VGLL3: variants seen among roughly 807,000 people sequenced by gnomAD.
The protein encoded by VGLL3 is vestigial like family member 3.
A neutral mutation model predicts 29.2 loss-of-function variants in VGLL3; 18 were observed. The ratio of observed to expected loss-of-function variants is 0.62; its 90% confidence interval spans 0.43 to 0.91. The LOEUF is 0.91. VGLL3 is among the 40% of genes least tolerant of loss of function. The probability of loss-of-function intolerance (pLI) is 0.00; values close to 1 mark genes in which losing one functional copy is unlikely to be tolerated. For missense variants in VGLL3, 440 were observed against 413.2 expected (o/e 1.06, Z -0.56); for synonymous variants, 180 against 151.8 (o/e 1.19, Z -1.36).
chr3:86,974,675 T>A lies in VGLL3; in HGVS notation c.403+3851A>T, dbSNP rs191331080. 2.4e-3 allele frequency among the ~76,000 whole-genome samples: 358 copies of A among 152,322 alleles called. 1 individual carries two copies. The highest frequency in any genetic ancestry group is 7.4e-3 in the African/African-American group (308 of 41,572). ...CTAAAGATTTACCGTGTAAATATAT[T>A]CTTAGTCAAACACGATTCAGTTATT... On this transcript the variant is annotated intron_variant, in intron 2 of 3. Transcript: ENST00000398399.
chr3:86,961,839 G>T, intron 3 of VGLL3: 1 of 760,278 alleles, frequency 1.3e-6, no homozygotes, highest in Non-Finnish European at 1.6e-6. Context: ...TAAATGAGAA[G>T]TTAATAAGTA....
Position 86,942,385 on chromosome 3 carries a change from T to C in VGLL3, c.*4639A>G, listed in dbSNP as rs930602024. On this transcript the variant is annotated 3_prime_UTR_variant, in exon 4 of 4. Transcript: ENST00000398399. ...ACACAGTGTCAACATCTGCTTCCAA[T>C]AAGATTGTTTCTTTTTTTCCTTGAG... The C allele has an allele frequency of 3.3e-5, 5 of 152,168 alleles. No individual in the cohort carries two copies. The highest frequency in any genetic ancestry group is 1.2e-4 in the African/African-American group (5 of 41,450). 9.4% of individuals were successfully genotyped at this position (152,168 alleles called of 1,614,324 possible).
chr3:86,971,454 C>G (rs1705098787), intron 2 of VGLL3, among the ~76,000 whole-genome samples: 1 of 152,162 alleles, frequency 6.6e-6, no homozygotes, highest in South Asian at 2.1e-4. Flanking sequence ...GATCTCAAAA[C>G]ACTTGGGGAA....
In VGLL3 at chr3:86,947,086, G is replaced by C; in HGVS notation, c.938-19C>G. On this transcript the variant is annotated intron_variant, in intron 3 of 3. Coordinates refer to ENST00000398399, the MANE Select transcript of VGLL3 (RefSeq NM_016206.4). Reference sequence around the variant, plus strand: ...TGTAGACCTGGAACAAATGACAATGGGGAAAAAATAAAGAACATTAATACA... The same window carrying C: ...TGTAGACCTGGAACAAATGACAATGCGGAAAAAATAAAGAACATTAATACA... 1 of 779,610 alleles carries C rather than the reference G, an allele frequency of 1.3e-6. No homozygotes were observed. The highest frequency in any genetic ancestry group is 2.4e-6 in the Non-Finnish European group (1 of 417,312). 48.3% of individuals were successfully genotyped at this position (779,610 alleles called of 1,614,324 possible).
At chr3:86,961,211 A>T (rs1217471819) in intron 3 of VGLL3, among the ~76,000 whole-genome samples, 1 of 152,098 alleles carries the variant, frequency 6.6e-6, no homozygotes, top group Non-Finnish European at 1.5e-5. Flanking sequence ...GCTTGTGTTT[A>T]TAAAGAAGTC....
At chr3:86,981,455 TTC>T (rs1705322662) in intron 1 of VGLL3, among the ~76,000 whole-genome samples, 1 of 151,954 alleles carries the variant, frequency 6.6e-6, no homozygotes, top group Admixed American at 6.6e-5. Context: ...AGAAAAAGAA[TTC>T]TCTCATTGTA....
At chr3:86,958,679 C>G (rs1394538753) in intron 3 of VGLL3, among the ~76,000 whole-genome samples, 1 of 152,178 alleles carries the variant, frequency 6.6e-6, no homozygotes, top group African/African-American at 2.4e-5. Context: ...CAGCAATGCT[C>G]TGGAATGCAT....
intron 3 of VGLL3, among the ~76,000 whole-genome samples, chr3:86,949,286 T>C (rs1312172966): frequency 6.6e-6 from 1 of 152,194 alleles, no homozygotes; most frequent in Non-Finnish European, 1.5e-5. Flanking sequence ...ATTCATATAT[T>C]CAATTTCTTG....
rs1204939656 is a variant in VGLL3 at position 86,949,467 on chromosome 3, G to A, written c.938-2400C>T. On this transcript the variant is annotated intron_variant, in intron 3 of 3. Coordinates refer to ENST00000398399, the MANE Select transcript of VGLL3 (RefSeq NM_016206.4). ...ATTCATATTTGTAAATCTCAAAATAGGCATATGTAAAGCACAAGAAAATGA... is the reference window on the plus strand; with the variant it reads ...ATTCATATTTGTAAATCTCAAAATAAGCATATGTAAAGCACAAGAAAATGA... 2.6e-5 allele frequency among the ~76,000 whole-genome samples: 4 copies of A among 152,090 alleles called. No individual in the cohort carries two copies. In the East Asian group the frequency reaches 7.8e-4, roughly 29 times the overall value.
At chr3:86,963,094 TCAAAACAAAA>T (rs544799632) in intron 3 of VGLL3, 1 of 179,304 alleles carries the variant, frequency 5.6e-6, no homozygotes, top group Non-Finnish European at 1.2e-5. Flanking sequence ...AAACTCTGTC[TCAAAACAAAA>T]CAAAACAAAA....
At chr3:86,971,616 T>A (rs1705103147) in intron 2 of VGLL3, among the ~76,000 whole-genome samples, 1 of 152,234 alleles carries the variant, frequency 6.6e-6, no homozygotes, top group Non-Finnish European at 1.5e-5. Context: ...GACATTGAGG[T>A]AACTATGTTT....
At position 86,990,779 on chromosome 3, in the gene VGLL3, C is replaced by A; in HGVS notation, c.-36G>T. The A allele has an allele frequency of 6.3e-6, 8 of 1,273,064 alleles. No individual in the cohort carries two copies. The highest frequency in any genetic ancestry group is 8.0e-6 in the Non-Finnish European group (8 of 1,005,416). 78.9% of individuals were successfully genotyped at this position (1,273,064 alleles called of 1,614,324 possible). Reference sequence around the variant, plus strand: ...GCAGTGGCGGCCCCCGAGCTGCCGCCGCCGCTCTACGCGCTGGCGCGAGGG... The same window carrying A: ...GCAGTGGCGGCCCCCGAGCTGCCGCAGCCGCTCTACGCGCTGGCGCGAGGG... On this transcript the variant is annotated 5_prime_UTR_variant, in exon 1 of 4. Coordinates refer to ENST00000398399, the MANE Select transcript of VGLL3 (RefSeq NM_016206.4).
intron 1 of VGLL3, among the ~76,000 whole-genome samples, chr3:86,983,396 G>A (rs1045538793): frequency 1.3e-5 from 2 of 152,088 alleles, no homozygotes; most frequent in Non-Finnish European, 2.9e-5. Context: ...TTTTGAGACA[G>A]GTTCTCGCTC....
chr3:86,954,075 A>G (rs1704667976), intron 3 of VGLL3, among the ~76,000 whole-genome samples: 1 of 152,222 alleles, frequency 6.6e-6, no homozygotes, highest in Non-Finnish European at 1.5e-5. Context: ...TTTTCTGTTT[A>G]TAGAGGTATT....
At chr3:86,975,526 T>C (rs746126158) in intron 2 of VGLL3, among the ~76,000 whole-genome samples, 5 of 152,170 alleles carry the variant, frequency 3.3e-5, no homozygotes, top group Non-Finnish European at 7.3e-5. Context: ...AAAAAAACTG[T>C]ACCCAAAGAG....
chr3:86,976,159 G>A (rs939507624), intron 2 of VGLL3, among the ~76,000 whole-genome samples: 4 of 151,942 alleles, frequency 2.6e-5, no homozygotes, highest in Admixed American at 6.6e-5. Context: ...CTATTACTTT[G>A]CATTTCATTC....
Position 86,940,970 on chromosome 3 carries a change from T to A in VGLL3, c.*6054A>T, listed in dbSNP as rs1461205082. 1 of 152,466 alleles carries A rather than the reference T, an allele frequency of 6.6e-6. No individual in the cohort carries two copies. The highest frequency in any genetic ancestry group is 1.5e-5 in the Non-Finnish European group (1 of 67,920). 9.4% of individuals were successfully genotyped at this position (152,466 alleles called of 1,614,324 possible). A position where few individuals can be genotyped will look rare whatever the true frequency, so the allele number is the denominator to read the frequency against. On this transcript the variant is annotated 3_prime_UTR_variant, in exon 4 of 4. Transcript: ENST00000398399. ...AGTCTGAAAGTTCATGGTATTTCAATGCAGTAAAATAATATTTCTATTGTT... is the reference window on the plus strand; with the variant it reads ...AGTCTGAAAGTTCATGGTATTTCAAAGCAGTAAAATAATATTTCTATTGTT...
intron 3 of VGLL3, chr3:86,962,462 T>C (rs1046647128): frequency 1.0e-6 from 1 of 985,402 alleles, no homozygotes; most frequent in Non-Finnish European, 1.2e-6. Flanking sequence ...ACCACCTTAC[T>C]TCATTCCTAT....
At chr3:86,967,830 C>T (rs1243836960) in intron 3 of VGLL3, among the ~76,000 whole-genome samples, 1 of 152,186 alleles carries the variant, frequency 6.6e-6, no homozygotes, top group Non-Finnish European at 1.5e-5. Context: ...CAAGCTCAGA[C>T]ATTTGACACA....
Sources: allele counts gnomAD v4.1 joint callset (sites outside exome capture counted in the v4.1 genomes callset), GRCh38; gene constraint gnomAD v4.1.1; transcripts MANE v1.5; gene names NCBI Gene and HGNC (gene_info 2026-07-23, HGNC 2026-07-21).